ZIK1: variants seen among roughly 807,000 people sequenced by gnomAD.
The protein encoded by ZIK1 is zinc finger protein interacting with K protein 1.
A neutral mutation model predicts 10.7 loss-of-function variants in ZIK1; 12 were observed. The ratio of observed to expected loss-of-function variants is 1.12; its 90% CI spans 0.72 to 1.81. The LOEUF (loss-of-function observed/expected upper bound fraction) is 1.81, where lower values mean the gene tolerates loss of function less well. Ranked by LOEUF, ZIK1 falls within the 40% of genes most tolerant of loss-of-function variation. The probability of loss-of-function intolerance (pLI) is 0.00; values close to 1 mark genes in which losing one functional copy is unlikely to be tolerated. For synonymous variants in ZIK1, 190 were observed against 205.0 expected (o/e 0.93, Z 0.63); for missense variants, 497 against 585.7 (o/e 0.85, Z 1.56).
chr19:57,585,099 C>T, intron 2 of ZIK1, 109 bp downstream of exon 2: 1 of 1,018,140 alleles, frequency 9.8e-7, no homozygotes, highest in Non-Finnish European at 1.4e-6. Flanking sequence ...TCTTCACAAA[C>T]TGGAAGCTTG....
chr19:57,589,285 A>C (rs1025800058), intron 3 of ZIK1: 2 of 985,090 alleles, frequency 2.0e-6, no homozygotes, highest in Admixed American at 6.2e-5. Context: ...GGGCTTGTTG[A>C]GTGGCAACTG....
At chr19:57,586,602 T>C (rs2035215841) in intron 2 of ZIK1, among the ~76,000 whole-genome samples, 1 of 152,140 alleles carries the variant, frequency 6.6e-6, no homozygotes, top group Admixed American at 6.6e-5. Flanking sequence ...AGGTTGGGGC[T>C]ATGACTGTGT....
Position 57,586,492 on chromosome 19 carries a change from G to A in ZIK1, c.72+1502G>A, listed in dbSNP as rs145927786. On this transcript the variant is annotated intron_variant, in intron 2 of 3. Coordinates refer to ENST00000597850, the MANE Select transcript of ZIK1 (RefSeq NM_001010879.4). ...GCAGGAGAATTGCTTGAGCCCAGGA[G>A]GCGGAGGTTGCAGTGAGCCAAGATC... Among the ~76,000 whole-genome samples, 70 of 152,270 alleles carry A rather than the reference G, an allele frequency of 4.6e-4. 1 individual carries two copies. The East Asian group carries it at 0.013, about 29-fold the overall frequency.
At chr19:57,588,516 G>A in intron 2 of ZIK1, 23 bp from the exon 3 acceptor site, 2 of 1,424,846 alleles carry the variant, frequency 1.4e-6, no homozygotes, top group Non-Finnish European at 1.9e-6. Context: ...TGATTGTGGA[G>A]TGACCTGTCC....
In ZIK1 at chr19:57,589,196, T is replaced by C. The variant is rs905867774; in HGVS notation, c.199+531T>C. 8 of 928,908 alleles carry C rather than the reference T, an allele frequency of 8.6e-6. No individual in the cohort carries two copies. In the African/African-American group the frequency reaches 1.4e-4, roughly 17 times the overall value. The allele number at this position is 928,908 out of a possible 1,614,324, so 57.5% of individuals were successfully genotyped here. On this transcript the variant is annotated intron_variant, in intron 3 of 3. Transcript: ENST00000597850. The stretch of plus-strand genomic sequence containing the variant: ...CTGGTAGGACTTGGCTTCATGAAGG[T>C]CCCACATAGCTAGACAACTGAGGGT...
intron 3 of ZIK1, 49 bp from the exon 4 acceptor site, chr19:57,589,962 G>C: frequency 1.3e-6 from 2 of 1,572,304 alleles, no homozygotes; most frequent in East Asian, 4.5e-5. Context: ...GGGGCTTCTT[G>C]CTCTCAGCAT....
In ZIK1 at chr19:57,591,413, A is replaced by G; in HGVS notation, c.*138A>G. 1.2e-6 allele frequency: 1 copy of G among 855,036 alleles called. No homozygotes were observed. The highest frequency in any genetic ancestry group is 1.7e-5 in the African/African-American group (1 of 58,698). 53.0% of individuals were successfully genotyped at this position (855,036 alleles called of 1,614,324 possible). On this transcript the variant is annotated 3_prime_UTR_variant, in exon 4 of 4. Transcript: ENST00000597850. The stretch of plus-strand genomic sequence containing the variant: ...TCTCTGTAGTATTGTAGCAGTAGAG[A>G]GCCTTTGTGAGGGAGCCATCTGCCT...
chr19:57,585,011 G>T, intron 2 of ZIK1, 21 bp downstream of exon 2: 2 of 1,611,044 alleles, frequency 1.2e-6, no homozygotes, highest in South Asian at 1.1e-5. Flanking sequence ...GGTGTCCCAG[G>T]CCCTCACTGG....
Position 57,588,536 on chromosome 19 carries a change from C to A in ZIK1, c.73-3C>A. On this transcript the variant is annotated splice_region_variant and splice_polypyrimidine_tract_variant and intron_variant, in intron 2 of 3. Coordinates refer to ENST00000597850, the MANE Select transcript of ZIK1 (RefSeq NM_001010879.4). The stretch of plus-strand genomic sequence containing the variant: ...GTGGAGTGACCTGTCCCCATCATGA[C>A]AGGGCTGTGTGACCTTTGAGGACAT... 2 of 1,506,754 alleles carry A rather than the reference C, an allele frequency of 1.3e-6. No homozygotes were observed. The highest frequency in any genetic ancestry group is 8.9e-7 in the Non-Finnish European group (1 of 1,122,042). The allele number at this position is 1,506,754 out of a possible 1,614,324, so 93.3% of individuals were successfully genotyped here.
Position 57,584,991 on chromosome 19 carries a change from G to C in ZIK1, c.72+1G>C. ...AGAAACACATATGGACCTCACAAAGGTGAGTGGAGGGTGTCCCAGGCCCTC... is the reference window on the plus strand; with the variant it reads ...AGAAACACATATGGACCTCACAAAGCTGAGTGGAGGGTGTCCCAGGCCCTC... On this transcript the variant is annotated splice_donor_variant, in intron 2 of 3. Transcript: ENST00000597850. LOFTEE classifies it high-confidence loss of function. 1 of 1,613,602 alleles carries C rather than the reference G, an allele frequency of 6.2e-7. No homozygotes were observed. Among genetic ancestry groups the C allele is most frequent in the Non-Finnish European group, 8.5e-7 (1 of 1,179,822 alleles).
intron 3 of ZIK1, among the ~76,000 whole-genome samples, chr19:57,588,880 CT>C (rs1377077041): frequency 6.6e-6 from 1 of 151,642 alleles, no homozygotes; most frequent in Non-Finnish European, 1.5e-5. Flanking sequence ...CCAAATGGAT[CT>C]CTGTTCCTTG....
At chr19:57,585,059 TG>T (rs1468687232) in intron 2 of ZIK1, 69 bp downstream of exon 2, 3 of 1,508,924 alleles carry the variant, frequency 2.0e-6, no homozygotes, top group Non-Finnish European at 2.7e-6. Context: ...TGGATCTTTT[TG>T]CCACCATCCA....
At chr19:57,586,423 C>T (rs965480086) in intron 2 of ZIK1, among the ~76,000 whole-genome samples, 1 of 151,960 alleles carries the variant, frequency 6.6e-6, no homozygotes, top group East Asian at 1.9e-4. Flanking sequence ...ATTAGCCAGG[C>T]GTGGTGGCAG....
intron 2 of ZIK1, among the ~76,000 whole-genome samples, 181 bp downstream of exon 2, chr19:57,585,171 T>A (rs1979029379): frequency 6.6e-6 from 1 of 152,216 alleles, no homozygotes; most frequent in Non-Finnish European, 1.5e-5. Flanking sequence ...GACAATGGAA[T>A]GAGGTGTGAA....
chr19:57,587,163 A>T (rs1258130759), intron 2 of ZIK1, among the ~76,000 whole-genome samples: 6 of 152,182 alleles, frequency 3.9e-5, no homozygotes, highest in African/African-American at 1.4e-4. Flanking sequence ...CTATGGTTCG[A>T]TTACCTCTCA....
In ZIK1 at chr19:57,593,187, A is replaced by G. The variant is rs1406909725; in HGVS notation, c.*1912A>G. Reference sequence around the variant, plus strand: ...CTCCTGAGAAGCTAGGACTACAGGCATGCACTACCACGCCCAACTAATTTT... The same window carrying G: ...CTCCTGAGAAGCTAGGACTACAGGCGTGCACTACCACGCCCAACTAATTTT... On this transcript the variant is annotated 3_prime_UTR_variant, in exon 4 of 4. Transcript: ENST00000597850. 1.5e-5 allele frequency: 2 copies of G among 130,940 alleles called. No homozygotes were observed. The highest frequency in any genetic ancestry group is 3.3e-5 in the Non-Finnish European group (2 of 60,834). 8.1% of individuals were successfully genotyped at this position (130,940 alleles called of 1,614,324 possible).
chr19:57,584,658 G>A, intron 1 of ZIK1: 1 of 1,380,604 alleles, frequency 7.2e-7, no homozygotes. Context: ...AGCCGTGGAG[G>A]GTTGTGTACA....
intron 2 of ZIK1, among the ~76,000 whole-genome samples, chr19:57,585,684 T>C (rs1209385279): frequency 1.3e-5 from 2 of 152,166 alleles, no homozygotes; most frequent in Non-Finnish European, 2.9e-5. Flanking sequence ...TAGCATGTTA[T>C]AGGATTGATT....
chr19:57,589,251 T>G, intron 3 of ZIK1: 1 of 985,162 alleles, frequency 1.0e-6, no homozygotes, highest in Non-Finnish European at 1.2e-6. Flanking sequence ...CTTTATAGGG[T>G]GAACATGGTC....
Sources: gnomAD v4.1 joint callset for allele counts (sites outside exome capture counted in the v4.1 genomes callset) on GRCh38, gnomAD v4.1.1 for gene constraint, MANE v1.5 for transcripts, NCBI Gene and HGNC (gene_info 2026-07-23, HGNC 2026-07-21) for gene names.